PLEKHM3: variants seen among roughly 807,000 people sequenced by gnomAD.
PLEKHM3 encodes the protein pleckstrin homology domain containing M3.
Under a neutral mutation model 81.8 loss-of-function variants are expected in PLEKHM3, and 45 were observed. That is an observed-to-expected ratio of 0.55 (90% CI 0.43 to 0.71). PLEKHM3 has a LOEUF of 0.71. Among genes scored for constraint, PLEKHM3 ranks in the 30% least tolerant of loss-of-function variants. The pLI is 0.00. For missense variants in PLEKHM3, 788 were observed against 924.3 expected (o/e 0.85, Z 1.91); for synonymous variants, 352 against 356.4 (o/e 0.99, Z 0.14).
chr2:208,002,271 T>C (rs1434824675), intron 1 of PLEKHM3, among the ~76,000 whole-genome samples: 1 of 152,202 alleles, frequency 6.6e-6, no homozygotes, highest in Non-Finnish European at 1.5e-5. Context: ...TGACCTAAAA[T>C]AGTAAGCAAA....
At chr2:207,915,188 T>C (rs1030029126) in intron 5 of PLEKHM3, among the ~76,000 whole-genome samples, 7 of 152,322 alleles carry the variant, frequency 4.6e-5, no homozygotes, top group Admixed American at 2.6e-4. Context: ...GCTTCATTTA[T>C]AGATTGCTCT....
intron 1 of PLEKHM3, among the ~76,000 whole-genome samples, chr2:208,006,756 G>A (rs1692505613): frequency 1.3e-5 from 2 of 152,136 alleles, no homozygotes; most frequent in Admixed American, 1.3e-4. Flanking sequence ...CAAACTCAGT[G>A]ACCTATAGAC....
At chr2:207,935,085 TGTA>T in intron 4 of PLEKHM3, among the ~76,000 whole-genome samples, 1 of 152,298 alleles carries the variant, frequency 6.6e-6, no homozygotes, top group East Asian at 1.9e-4. Flanking sequence ...AAGAAGGACT[TGTA>T]GAATAACAAA....
chr2:207,990,963 A>G (rs192271234), intron 2 of PLEKHM3, among the ~76,000 whole-genome samples: 2 of 152,352 alleles, frequency 1.3e-5, no homozygotes, highest in Non-Finnish European at 2.9e-5. Context: ...ATACCAGTTT[A>G]GGGATCTCTT....
At chr2:207,840,221 C>T (rs1196619658) in intron 7 of PLEKHM3, among the ~76,000 whole-genome samples, 1 of 152,156 alleles carries the variant, frequency 6.6e-6, no homozygotes, top group African/African-American at 2.4e-5. Context: ...CAGGGTCTTG[C>T]TGTTGCCCAG....
intron 4 of PLEKHM3, among the ~76,000 whole-genome samples, chr2:207,943,871 A>AGG (rs1559249009): frequency 1.8e-4 from 27 of 148,324 alleles, no homozygotes; most frequent in African/African-American, 5.2e-4. Flanking sequence ...CCGTCTCAAA[A>AGG]AAAAAAAAAA....
intron 1 of PLEKHM3, among the ~76,000 whole-genome samples, chr2:208,003,990 T>A (rs1488458255): frequency 6.6e-6 from 1 of 152,218 alleles, no homozygotes; most frequent in Non-Finnish European, 1.5e-5. Flanking sequence ...TGTTTCAAAT[T>A]TAGTCTTTAC....
At chr2:207,893,210 C>T (rs1234010968) in intron 6 of PLEKHM3, among the ~76,000 whole-genome samples, 1 of 152,218 alleles carries the variant, frequency 6.6e-6, no homozygotes, top group Non-Finnish European at 1.5e-5. Flanking sequence ...TATTTTGGCC[C>T]TTTCTGCCAC....
chr2:207,905,556 C>A (rs1207875456), intron 6 of PLEKHM3, among the ~76,000 whole-genome samples: 1 of 152,128 alleles, frequency 6.6e-6, no homozygotes, highest in Non-Finnish European at 1.5e-5. Flanking sequence ...ACTTAGAAAC[C>A]AAGGAAAGAT....
At chr2:207,956,595 G>A (rs962917818) in intron 3 of PLEKHM3, among the ~76,000 whole-genome samples, 1 of 151,358 alleles carries the variant, frequency 6.6e-6, no homozygotes, top group Admixed American at 6.6e-5. Context: ...ACCCAGCCTG[G>A]AGTACAGTAG....
At chr2:207,966,898 C>A (rs1274766082) in intron 3 of PLEKHM3, among the ~76,000 whole-genome samples, 1 of 152,172 alleles carries the variant, frequency 6.6e-6, no homozygotes, top group Non-Finnish European at 1.5e-5. Flanking sequence ...ACTGAAGTTT[C>A]CAGATATGGT....
At chr2:207,829,266 G>T (rs890324211) in intron 7 of PLEKHM3, among the ~76,000 whole-genome samples, 1 of 152,026 alleles carries the variant, frequency 6.6e-6, no homozygotes, top group African/African-American at 2.4e-5. Flanking sequence ...TTTTTACAGC[G>T]AAGTTTTTAT....
intron 1 of PLEKHM3, among the ~76,000 whole-genome samples, chr2:208,016,289 G>C (rs1042223002): frequency 6.6e-6 from 1 of 151,996 alleles, no homozygotes; most frequent in African/African-American, 2.4e-5. Context: ...ATGTATGTAG[G>C]GTTCAAACAA....
chr2:207,846,181 C>T (rs376570328), intron 7 of PLEKHM3, among the ~76,000 whole-genome samples: 4 of 152,056 alleles, frequency 2.6e-5, no homozygotes, highest in Non-Finnish European at 4.4e-5. Flanking sequence ...CTTGCTCTGT[C>T]GCCCAGGCTG....
At chr2:207,846,260 G>A (rs893721279) in intron 7 of PLEKHM3, among the ~76,000 whole-genome samples, 23 of 152,114 alleles carry the variant, frequency 1.5e-4, no homozygotes, top group African/African-American at 5.3e-4. Context: ...CTCTGCCTCA[G>A]CCTCTCAAGT....
At chr2:207,924,405 C>T (rs950616116) in intron 5 of PLEKHM3, among the ~76,000 whole-genome samples, 2 of 152,066 alleles carry the variant, frequency 1.3e-5, no homozygotes, top group East Asian at 3.9e-4. Flanking sequence ...CCTGATAAGG[C>T]CAGGTGTGGC....
chr2:207,872,848 A>C (rs540516644), intron 6 of PLEKHM3, among the ~76,000 whole-genome samples: 4 of 152,140 alleles, frequency 2.6e-5, no homozygotes, highest in African/African-American at 9.7e-5. Flanking sequence ...CAAACAAACA[A>C]ACACCTTAGG....
At chr2:207,952,593 G>A (rs550918779) in intron 3 of PLEKHM3, among the ~76,000 whole-genome samples, 1 of 152,286 alleles carries the variant, frequency 6.6e-6, no homozygotes, top group African/African-American at 2.4e-5. Flanking sequence ...ACAATTCAAA[G>A]TCCTCCCTGG....
intron 6 of PLEKHM3, among the ~76,000 whole-genome samples, chr2:207,871,300 A>G (rs989406320): frequency 1.1e-4 from 17 of 152,160 alleles, no homozygotes; most frequent in African/African-American, 3.9e-4. Flanking sequence ...CCATTATGGG[A>G]CTACTCTAAC....
Sources: allele counts gnomAD v4.1 joint callset (sites outside exome capture counted in the v4.1 genomes callset), GRCh38; gene constraint gnomAD v4.1.1; transcripts MANE v1.5; gene names NCBI Gene and HGNC (gene_info 2026-07-23, HGNC 2026-07-21).